PRKN: variants seen among roughly 807,000 people sequenced by gnomAD.
PRKN encodes parkin RBR E3 ubiquitin protein ligase, also known as E3 ubiquitin-protein ligase parkin.
A neutral mutation model predicts 59.5 loss-of-function variants in PRKN; 56 were observed. The observed-to-expected ratio is 0.94, with a 90% confidence interval of 0.76 to 1.18. The LOEUF (loss-of-function observed/expected upper bound fraction) is 1.18. Ranked by LOEUF, PRKN falls within the 50% of genes most tolerant of loss-of-function variation. PRKN has a pLI of 0.00. For synonymous variants in PRKN, 250 were observed against 222.1 expected, an observed-to-expected ratio of 1.13 and a Z score of -1.12; for missense variants, 657 against 596.4, an observed-to-expected ratio of 1.10 and a Z score of -1.06.
intron 9 of PRKN, among the ~76,000 whole-genome samples, chr6:161,387,139 G>A (rs1288625010): frequency 6.6e-6 from 1 of 152,128 alleles, no homozygotes; most frequent in East Asian, 1.9e-4. Flanking sequence ...CCAGTCTAGT[G>A]GAAGACACAG....
chr6:161,450,582 A>G (rs568253017), intron 9 of PRKN, among the ~76,000 whole-genome samples: 1 of 151,364 alleles, frequency 6.6e-6, no homozygotes, highest in South Asian at 2.1e-4. Flanking sequence ...TTTGAGACGG[A>G]GTCTCGCTCT....
chr6:161,763,494 G>A (rs1351430810), intron 7 of PRKN, among the ~76,000 whole-genome samples: 1 of 152,096 alleles, frequency 6.6e-6, no homozygotes, highest in East Asian at 1.9e-4. Flanking sequence ...ACATCTTGCA[G>A]GAGTTGACGA....
chr6:162,403,240 C>CT (rs1404733963), intron 2 of PRKN, among the ~76,000 whole-genome samples: 1 of 152,136 alleles, frequency 6.6e-6, no homozygotes, highest in African/African-American at 2.4e-5. Context: ...CTCACTCACT[C>CT]TGGCCTCCAG....
Position 162,133,058 on chromosome 6 carries a change from T to C in PRKN, c.534+68073A>G, listed in dbSNP as rs1032201849. Among the ~76,000 whole-genome samples the C allele has an allele frequency of 5.9e-5, 9 of 152,012 alleles. No individual in the cohort carries two copies. The South Asian group carries it at 1.9e-3, about 32-fold the overall frequency. Reference sequence around the variant, plus strand: ...CATCAGGACAGTCCCATGGGCACAGTGGACTTAGGGTTTTACTGTGAATGT... The same window carrying C: ...CATCAGGACAGTCCCATGGGCACAGCGGACTTAGGGTTTTACTGTGAATGT... On this transcript the variant is annotated intron_variant, in intron 4 of 11. Coordinates refer to ENST00000366898, the MANE Select transcript of PRKN (RefSeq NM_004562.3).
At chr6:162,304,389 G>A (rs943866382) in intron 2 of PRKN, among the ~76,000 whole-genome samples, 9 of 150,676 alleles carry the variant, frequency 6.0e-5, no homozygotes, top group African/African-American at 2.2e-4. Context: ...TTTTAACACT[G>A]CTGCCTATGG....
chr6:162,410,234 GT>G (rs746968377), intron 2 of PRKN, among the ~76,000 whole-genome samples: 1 of 151,708 alleles, frequency 6.6e-6, no homozygotes, highest in Non-Finnish European at 1.5e-5. Flanking sequence ...AGATCAATTG[GT>G]TTGAGGACTG....
At chr6:162,000,440 A>G (rs1782009638) in intron 5 of PRKN, among the ~76,000 whole-genome samples, 1 of 151,984 alleles carries the variant, frequency 6.6e-6, no homozygotes, top group African/African-American at 2.4e-5. Context: ...CTTACTTGCC[A>G]TGTTTATATC....
At position 162,458,510 on chromosome 6, in the gene PRKN, T is replaced by C. The variant is rs557744854; in HGVS notation, c.8-15037A>G. On this transcript the variant is annotated intron_variant, in intron 1 of 11. Coordinates refer to ENST00000366898, the MANE Select transcript of PRKN (RefSeq NM_004562.3). Reference sequence around the variant, plus strand: ...AAAATATTTCCTCAGACAGGAGCATTACTTTAAGGAAAAGATAGTACTATA... The same window carrying C: ...AAAATATTTCCTCAGACAGGAGCATCACTTTAAGGAAAAGATAGTACTATA... 9.1e-4 allele frequency among the ~76,000 whole-genome samples: 138 copies of C among 151,946 alleles called. 2 individuals carry two copies. Among genetic ancestry groups the C allele is most frequent in the Middle Eastern group, 6.8e-3 (2 of 294 alleles).
intron 1 of PRKN, among the ~76,000 whole-genome samples, chr6:162,482,145 G>A (rs780743594): frequency 6.6e-6 from 1 of 152,120 alleles, no homozygotes; most frequent in Non-Finnish European, 1.5e-5. Flanking sequence ...CTTATCTCCT[G>A]GGATAATTAG....
chr6:161,799,228 G>C (rs891719783), intron 6 of PRKN, among the ~76,000 whole-genome samples: 2 of 152,182 alleles, frequency 1.3e-5, no homozygotes, highest in Admixed American at 1.3e-4. Flanking sequence ...CAAACACAGG[G>C]CTATCTTTCT....
At chr6:162,594,511 T>C (rs1403103528) in intron 1 of PRKN, among the ~76,000 whole-genome samples, 1 of 152,208 alleles carries the variant, frequency 6.6e-6, no homozygotes, top group African/African-American at 2.4e-5. Context: ...TTTATTGTAA[T>C]ATATTTTGAT....
chr6:162,026,684 T>A (rs2128277853), intron 5 of PRKN, among the ~76,000 whole-genome samples: 2 of 152,308 alleles, frequency 1.3e-5, no homozygotes, highest in Middle Eastern at 6.8e-3. Context: ...CCCCCACAAA[T>A]GGCATTCATC....
At chr6:162,521,622 C>T (rs1334302614) in intron 1 of PRKN, among the ~76,000 whole-genome samples, 1 of 152,014 alleles carries the variant, frequency 6.6e-6, no homozygotes, top group East Asian at 1.9e-4. Context: ...ACACAAACTC[C>T]ATATAGTAAT....
At chr6:161,985,716 C>A (rs1781409466) in intron 5 of PRKN, among the ~76,000 whole-genome samples, 1 of 152,188 alleles carries the variant, frequency 6.6e-6, no homozygotes, top group South Asian at 2.1e-4. Flanking sequence ...CCAGGCCAAG[C>A]ACACTGGCCG....
At chr6:161,826,090 CAG>C (rs1486730319) in intron 6 of PRKN, among the ~76,000 whole-genome samples, 1 of 152,158 alleles carries the variant, frequency 6.6e-6, no homozygotes, top group East Asian at 1.9e-4. Context: ...AACCATCTAA[CAG>C]AAATTAAAAA....
intron 3 of PRKN, among the ~76,000 whole-genome samples, chr6:162,210,251 A>T (rs953865980): frequency 3.9e-5 from 6 of 152,184 alleles, no homozygotes; most frequent in African/African-American, 1.4e-4. Context: ...TTATATGTCT[A>T]CTATTATTGT....
At chr6:162,611,927 T>C (rs1416418168) in intron 1 of PRKN, among the ~76,000 whole-genome samples, 1 of 152,042 alleles carries the variant, frequency 6.6e-6, no homozygotes, top group Non-Finnish European at 1.5e-5. Flanking sequence ...GGCTCACGCC[T>C]GTAATCCCAG....
chr6:162,235,979 A>AAGAAAGAAAGAG (rs1562602491), intron 3 of PRKN, among the ~76,000 whole-genome samples: 4 of 117,518 alleles, frequency 3.4e-5, no homozygotes, highest in African/African-American at 3.5e-5. Context: ...GAAAGAAAGA[A>AAGAAAGAAAGAG]AGAAAGAAAG....
chr6:162,399,239 C>A (rs1007672591), intron 2 of PRKN, among the ~76,000 whole-genome samples: 2 of 152,156 alleles, frequency 1.3e-5, no homozygotes, highest in African/African-American at 4.8e-5. Flanking sequence ...GGAGAGACAT[C>A]TTCCTGAAAG....
Sources: gnomAD v4.1 joint callset for allele counts (sites outside exome capture counted in the v4.1 genomes callset) on GRCh38, gnomAD v4.1.1 for gene constraint, MANE v1.5 for transcripts, NCBI Gene and HGNC (gene_info 2026-07-23, HGNC 2026-07-21) for gene names.